The following CALN1 variants were observed in gnomAD, a reference collection of about 807,000 sequenced individuals.
CALN1 encodes the protein calneuron 1, also known as calcium-binding protein 8.
A neutral mutation model predicts 30.6 loss-of-function variants in CALN1; 17 were observed. That is an observed-to-expected ratio of 0.56 (90% CI 0.38 to 0.83). CALN1 has a LOEUF of 0.83. Ranked by LOEUF, CALN1 falls within the 40% of genes least tolerant of loss-of-function variation. CALN1 has a pLI of 0.00. For missense variants in CALN1, 291 were observed against 354.9 expected (o/e 0.82, Z 1.45); for synonymous variants, 156 against 131.4 (o/e 1.19, Z -1.28).
intron 5 of CALN1, among the ~76,000 whole-genome samples, chr7:71,936,601 G>A (rs1795849547): frequency 6.6e-6 from 1 of 152,088 alleles, no homozygotes; most frequent in African/African-American, 2.4e-5. Flanking sequence ...AAGGCTGGAA[G>A]GTGGGTATTT....
intron 2 of CALN1, among the ~76,000 whole-genome samples, chr7:72,315,273 A>G (rs763897264): frequency 2.0e-5 from 3 of 152,186 alleles, no homozygotes; most frequent in Non-Finnish European, 4.4e-5. Context: ...TTCCACTACA[A>G]TTCTTTAAAA....
intron 5 of CALN1, among the ~76,000 whole-genome samples, chr7:72,016,074 C>T (rs1286980213): frequency 6.6e-6 from 1 of 151,940 alleles, no homozygotes; most frequent in East Asian, 1.9e-4. Flanking sequence ...CACGGTGAAA[C>T]CCCGTCTCTA....
intron 1 of CALN1, among the ~76,000 whole-genome samples, chr7:72,443,282 A>C (rs2129564486): frequency 6.6e-6 from 1 of 152,356 alleles, no homozygotes; most frequent in East Asian, 1.9e-4. Flanking sequence ...TCACCACTGC[A>C]TCCAGGTGCG....
rs560641346 is a variant in CALN1 at position 71,948,394 on chromosome 7, T to C, written c.501+75263A>G. On this transcript the variant is annotated intron_variant, in intron 5 of 6. Transcript: ENST00000395275. The stretch of plus-strand genomic sequence containing the variant: ...ATGACCCAAGGAAGCCATGGCCTTC[T>C]AAGAGAGAGTCATCATACATGTGAC... Among the ~76,000 whole-genome samples the C allele has an allele frequency of 2.0e-5, 3 of 152,294 alleles. No homozygotes were observed. The East Asian group carries it at 5.8e-4, about 29-fold the overall frequency.
intron 3 of CALN1, among the ~76,000 whole-genome samples, chr7:72,213,033 A>AT (rs1400685965): frequency 1.3e-5 from 2 of 152,174 alleles, no homozygotes; most frequent in Non-Finnish European, 2.9e-5. Context: ...CTCTGCCCTC[A>AT]TTTCACAGGG....
At chr7:72,115,109 AAT>A in intron 3 of CALN1, among the ~76,000 whole-genome samples, 1 of 148,086 alleles carries the variant, frequency 6.8e-6, no homozygotes, top group East Asian at 2.0e-4. Flanking sequence ...TATATAGTAT[AAT>A]ATATATAGTA....
At chr7:72,037,733 G>C (rs950899792) in intron 4 of CALN1, among the ~76,000 whole-genome samples, 4 of 152,010 alleles carry the variant, frequency 2.6e-5, no homozygotes, top group Admixed American at 1.3e-4. Flanking sequence ...GTTGTGGGTG[G>C]GGAATGGGGA....
intron 2 of CALN1, among the ~76,000 whole-genome samples, chr7:72,292,916 T>C (rs952896968): frequency 2.0e-5 from 3 of 151,984 alleles, no homozygotes; most frequent in East Asian, 1.9e-4. Context: ...TCATTTCCTA[T>C]TTCCTGCCTG....
In CALN1 at chr7:72,066,183, C is replaced by T. The variant is rs550054285; in HGVS notation, c.388+39968G>A. Among the ~76,000 whole-genome samples, 64 of 152,298 alleles carry T rather than the reference C, an allele frequency of 4.2e-4. 1 individual carries two copies. Among genetic ancestry groups the T allele is most frequent in the Admixed American group, 8.5e-4 (13 of 15,298 alleles). On this transcript the variant is annotated intron_variant, in intron 4 of 6. Transcript: ENST00000395275. ...CTGCTAAATCTCATCGTGTTGGATT[C>T]GGCCTAATTGTCTCAGCCTGTCAAG...
chr7:71,965,168 C>A (rs953767514), intron 5 of CALN1, among the ~76,000 whole-genome samples: 3 of 152,072 alleles, frequency 2.0e-5, no homozygotes, highest in Non-Finnish European at 2.9e-5. Flanking sequence ...GCTGAGAACA[C>A]AGGCACATGT....
At chr7:72,425,547 C>T (rs566895472) in intron 1 of CALN1, among the ~76,000 whole-genome samples, 1 of 152,324 alleles carries the variant, frequency 6.6e-6, no homozygotes, top group South Asian at 2.1e-4. Flanking sequence ...TGAATTTATT[C>T]CCATCCTGAT....
rs1301029409 is a variant in CALN1, at chr7:72,412,263, A to C, written c.-279T>G. The stretch of plus-strand genomic sequence containing the variant: ...AGCTTTAAAGGTGGCGCGGACCCAG[A>C]GTAAGCAGTAAGCTTTATTAAGAAG... On this transcript the variant is annotated 5_prime_UTR_variant, in exon 1 of 7. Transcript: ENST00000395275. 6.6e-6 allele frequency: 1 copy of C among 152,198 alleles called. No homozygotes were observed. Among genetic ancestry groups the C allele is most frequent in the Non-Finnish European group, 1.5e-5 (1 of 68,034 alleles). The allele number at this position is 152,198 out of a possible 1,614,324, so 9.4% of individuals were successfully genotyped here.
chr7:71,977,823 T>C (rs1434397386), intron 5 of CALN1, among the ~76,000 whole-genome samples: 1 of 151,018 alleles, frequency 6.6e-6, no homozygotes, highest in African/African-American at 2.4e-5. Flanking sequence ...TCCCAGCTAG[T>C]TGGGAGGTTG....
chr7:72,421,810 G>A (rs1012205494), intron 1 of CALN1, among the ~76,000 whole-genome samples: 12 of 151,724 alleles, frequency 7.9e-5, no homozygotes, highest in Non-Finnish European at 4.4e-5. Context: ...GGCTGGTCTC[G>A]ATCTCCTGAC....
intron 3 of CALN1, among the ~76,000 whole-genome samples, chr7:72,226,470 C>T (rs1259614423): frequency 1.3e-5 from 2 of 152,074 alleles, no homozygotes; most frequent in African/African-American, 2.4e-5. Context: ...AGGGAAGGGT[C>T]AAGAAAGTAG....
intron 6 of CALN1, among the ~76,000 whole-genome samples, chr7:71,794,039 C>T (rs1231298715): frequency 6.6e-6 from 1 of 152,098 alleles, no homozygotes; most frequent in Non-Finnish European, 1.5e-5. Flanking sequence ...GGGTTGGGTA[C>T]TGCGTTAAGT....
chr7:71,788,486 TTGTTG>T (rs933136288), intron 6 of CALN1, among the ~76,000 whole-genome samples: 1 of 141,602 alleles, frequency 7.1e-6, no homozygotes, highest in African/African-American at 2.8e-5. Context: ...AGGTTTTTTT[TTGTTG>T]TTTTTTTTTT....
intron 3 of CALN1, among the ~76,000 whole-genome samples, chr7:72,131,552 T>C (rs1195306425): frequency 1.3e-5 from 2 of 152,148 alleles, no homozygotes; most frequent in South Asian, 2.1e-4. Flanking sequence ...CCCGAACTGA[T>C]TCTCTAACAG....
At chr7:72,254,865 C>T (rs539359996) in intron 3 of CALN1, among the ~76,000 whole-genome samples, 4 of 152,212 alleles carry the variant, frequency 2.6e-5, no homozygotes, top group Admixed American at 6.5e-5. Flanking sequence ...CTCCCAGGTT[C>T]AAGCAATTCT....
Sources: gnomAD v4.1 joint callset for allele counts (sites outside exome capture counted in the v4.1 genomes callset) on GRCh38, gnomAD v4.1.1 for gene constraint, MANE v1.5 for transcripts, NCBI Gene and HGNC (gene_info 2026-07-23, HGNC 2026-07-21) for gene names.